The following PTPRD variants were observed in gnomAD, a reference collection of about 807,000 sequenced individuals.
PTPRD encodes the protein receptor-type tyrosine-protein phosphatase delta.
A neutral mutation model predicts 214.5 loss-of-function variants in PTPRD; 34 were observed. The ratio of observed to expected loss-of-function variants is 0.16; its 90% confidence interval spans 0.12 to 0.21. The LOEUF (loss-of-function observed/expected upper bound fraction) is 0.21, where lower values mean the gene tolerates loss of function less well. Among genes scored for constraint, PTPRD ranks in the 10% least tolerant of loss-of-function variants. The pLI, the probability that PTPRD is intolerant of heterozygous loss-of-function variation, is 1.00. For synonymous variants in PTPRD, 1,128 were observed against 845.7 expected (o/e 1.33, Z -5.79); for missense variants, 2,545 against 2,398.7 (o/e 1.06, Z -1.27).
At chr9:10,142,485 A>T (rs2098992956) in intron 3 of PTPRD, among the ~76,000 whole-genome samples, 1 of 152,166 alleles carries the variant, frequency 6.6e-6, no homozygotes, top group African/African-American at 2.4e-5. Flanking sequence ...GACACTTCTC[A>T]AAAGAAGACA....
intron 4 of PTPRD, among the ~76,000 whole-genome samples, chr9:10,008,479 A>G (rs559139613): frequency 6.6e-6 from 1 of 152,146 alleles, no homozygotes; most frequent in South Asian, 2.1e-4. Context: ...GTAAATGTTA[A>G]GTCTCCACTC....
intron 14 of PTPRD, among the ~76,000 whole-genome samples, chr9:8,537,312 G>A (rs1439658635): frequency 6.6e-6 from 1 of 151,814 alleles, no homozygotes; most frequent in Non-Finnish European, 1.5e-5. Context: ...TCAAATGCTA[G>A]TCCAGTCAGC....
chr9:8,347,072 A>C (rs1473404362), intron 39 of PTPRD, among the ~76,000 whole-genome samples: 5 of 151,608 alleles, frequency 3.3e-5, no homozygotes, highest in Non-Finnish European at 7.4e-5. Flanking sequence ...GGGATGTTGG[A>C]TCATATCCCC....
intron 5 of PTPRD, among the ~76,000 whole-genome samples, chr9:9,907,879 T>C (rs1217407715): frequency 1.3e-5 from 2 of 152,058 alleles, no homozygotes; most frequent in Admixed American, 6.6e-5. Context: ...ACATGTATTA[T>C]AGAATTATAA....
At chr9:8,522,541 A>T (rs992541004) in intron 19 of PTPRD, among the ~76,000 whole-genome samples, 26 of 152,348 alleles carry the variant, frequency 1.7e-4, no homozygotes, top group African/African-American at 6.3e-4. Flanking sequence ...TTATGCCCAC[A>T]TTCAAATTGA....
intron 10 of PTPRD, among the ~76,000 whole-genome samples, chr9:9,049,717 T>C (rs763791028): frequency 5.9e-5 from 9 of 152,106 alleles, no homozygotes; most frequent in Non-Finnish European, 1.3e-4. Context: ...TATACCACAG[T>C]AGTAGGAGAA....
intron 2 of PTPRD, among the ~76,000 whole-genome samples, chr9:10,379,747 T>C (rs57686709): frequency 0.031 from 4,647 of 152,162 alleles, 227 homozygotes; most frequent in African/African-American, 0.11. Context: ...TTCTAACTTA[T>C]TTATGATCAA....
intron 34 of PTPRD, among the ~76,000 whole-genome samples, chr9:8,439,208 T>C (rs73640915): frequency 0.044 from 6,680 of 152,296 alleles, 491 homozygotes; most frequent in African/African-American, 0.15. Context: ...TGGCTTAGAA[T>C]ACTGGACATG....
intron 2 of PTPRD, among the ~76,000 whole-genome samples, chr9:10,351,884 A>T (rs898328665): frequency 6.6e-6 from 1 of 152,022 alleles, no homozygotes; most frequent in Non-Finnish European, 1.5e-5. Context: ...TCACAAATGG[A>T]GATGGGCATA....
chr9:9,234,754 C>G (rs1397669244), intron 9 of PTPRD, among the ~76,000 whole-genome samples: 3 of 152,120 alleles, frequency 2.0e-5, no homozygotes, highest in Admixed American at 2.0e-4. Flanking sequence ...CAAAAAGTTC[C>G]TCATCTCCAT....
At chr9:9,252,385 C>A (rs1015279150) in intron 9 of PTPRD, among the ~76,000 whole-genome samples, 1 of 152,030 alleles carries the variant, frequency 6.6e-6, no homozygotes, top group Admixed American at 6.6e-5. Flanking sequence ...ACCTTACCCT[C>A]GTTTATTGTA....
chr9:9,313,466 C>T (rs903926015), intron 9 of PTPRD, among the ~76,000 whole-genome samples: 1 of 152,054 alleles, frequency 6.6e-6, no homozygotes, highest in African/African-American at 2.4e-5. Context: ...GAAACTTGAC[C>T]TCAGAGTTCA....
chr9:10,022,940 T>G (rs1289208445), intron 4 of PTPRD, among the ~76,000 whole-genome samples: 1 of 152,206 alleles, frequency 6.6e-6, no homozygotes, highest in Non-Finnish European at 1.5e-5. Flanking sequence ...TCCAGAAACA[T>G]CTTATACTGG....
At chr9:8,984,173 TTGAG>T (rs1166703895) in intron 11 of PTPRD, among the ~76,000 whole-genome samples, 1 of 152,042 alleles carries the variant, frequency 6.6e-6, no homozygotes, top group Non-Finnish European at 1.5e-5. Context: ...GTAATTTTTA[TTGAG>T]TGAGATATTA....
chr9:8,886,517 T>C (rs2098489517), intron 11 of PTPRD, among the ~76,000 whole-genome samples: 1 of 152,226 alleles, frequency 6.6e-6, no homozygotes, highest in South Asian at 2.1e-4. Flanking sequence ...TTTTAAGTTC[T>C]AGTTGGTTAA....
chr9:9,433,665 A>G (rs2084082179), intron 8 of PTPRD, among the ~76,000 whole-genome samples: 1 of 152,178 alleles, frequency 6.6e-6, no homozygotes, highest in Non-Finnish European at 1.5e-5. Flanking sequence ...GATACTTCAC[A>G]AAATAGATTT....
chr9:9,431,144 A>G (rs138925966), intron 8 of PTPRD, among the ~76,000 whole-genome samples: 329 of 152,370 alleles, frequency 2.2e-3, no homozygotes, highest in African/African-American at 7.5e-3. Flanking sequence ...AAATGTTTGC[A>G]ATCTACCCAT....
intron 12 of PTPRD, among the ~76,000 whole-genome samples, chr9:8,654,344 G>C (rs1596172666): frequency 6.6e-6 from 1 of 152,182 alleles, no homozygotes; most frequent in Middle Eastern, 3.4e-3. Flanking sequence ...TCTTCTGCTA[G>C]ACTGTGAGCC....
At chr9:8,709,305 G>A (rs1248865623) in intron 12 of PTPRD, among the ~76,000 whole-genome samples, 9 of 151,884 alleles carry the variant, frequency 5.9e-5, no homozygotes, top group Non-Finnish European at 1.0e-4. Context: ...ACGAGGTCAG[G>A]AGATCGAGAC....
Sources: allele counts gnomAD v4.1 joint callset (sites outside exome capture counted in the v4.1 genomes callset), GRCh38; gene constraint gnomAD v4.1.1; transcripts MANE v1.5; gene names NCBI Gene and HGNC (gene_info 2026-07-23, HGNC 2026-07-21).